MAF: variants seen among roughly 807,000 people sequenced by gnomAD.
MAF encodes the protein transcription factor Maf.
MAF carries 10 observed loss-of-function variants against 22.0 expected under a neutral mutation model. That is an observed-to-expected ratio of 0.45 (90% confidence interval 0.28 to 0.77). The LOEUF (loss-of-function observed/expected upper bound fraction) is 0.77. MAF is among the 30% of genes least tolerant of loss of function. MAF has a pLI of 0.12. For synonymous variants in MAF, 337 were observed against 255.8 expected, an observed-to-expected ratio of 1.32 and a Z score of -3.03; for missense variants, 544 against 548.4, an observed-to-expected ratio of 0.99 and a Z score of 0.08.
the MAF span, among the ~76,000 whole-genome samples, chr16:79,316,783 A>G: frequency 4.6e-5 from 7 of 152,088 alleles, no homozygotes; most frequent in African/African-American, 1.7e-4. Flanking sequence ...CCATGGAAGG[A>G]CCCAAACTAA....
At chr16:79,272,198 G>A in the MAF span, among the ~76,000 whole-genome samples, 2 of 152,172 alleles carry the variant, frequency 1.3e-5, no homozygotes, top group African/African-American at 2.4e-5. Context: ...TCCTCTGAAC[G>A]CGCTCAGAGA....
chr16:79,323,089 G>A, the MAF span, among the ~76,000 whole-genome samples: 7 of 137,764 alleles, frequency 5.1e-5, no homozygotes. Flanking sequence ...GGCAGAGCTT[G>A]CAGTGAGTGG....
the MAF span, among the ~76,000 whole-genome samples, chr16:79,371,319 G>C: frequency 6.6e-6 from 1 of 152,096 alleles, no homozygotes; most frequent in Non-Finnish European, 1.5e-5. Context: ...AATTGGCATA[G>C]CATCACCTCT....
At chr16:79,409,443 G>A in the MAF span, among the ~76,000 whole-genome samples, 1 of 152,192 alleles carries the variant, frequency 6.6e-6, no homozygotes. Flanking sequence ...CCAGGTGTTT[G>A]TGAACCCTGT....
At chr16:79,378,068 G>T in the MAF span, among the ~76,000 whole-genome samples, 1 of 152,158 alleles carries the variant, frequency 6.6e-6, no homozygotes, top group Non-Finnish European at 1.5e-5. Context: ...TGTGGAGAAA[G>T]TCATGGGTAG....
At chr16:79,557,809 G>A in the MAF span, among the ~76,000 whole-genome samples, 1 of 152,002 alleles carries the variant, frequency 6.6e-6, no homozygotes, top group Non-Finnish European at 1.5e-5. Flanking sequence ...TATAAGATGA[G>A]AAACACAGAT....
chr16:79,404,772 G>A, the MAF span, among the ~76,000 whole-genome samples: 128 of 152,268 alleles, frequency 8.4e-4, no homozygotes, highest in East Asian at 5.0e-3. Flanking sequence ...TGACATAGGC[G>A]TGTAAACTCA....
the MAF span, among the ~76,000 whole-genome samples, chr16:79,299,418 A>C: frequency 6.6e-6 from 1 of 152,108 alleles, no homozygotes; most frequent in Non-Finnish European, 1.5e-5. Context: ...GGCCCAAAGT[A>C]GGTTTCAGTC....
At chr16:79,511,699 C>G in the MAF span, among the ~76,000 whole-genome samples, 1 of 152,140 alleles carries the variant, frequency 6.6e-6, no homozygotes, top group Non-Finnish European at 1.5e-5. Flanking sequence ...CATTCAGTAG[C>G]CCATTGGGCC....
the MAF span, among the ~76,000 whole-genome samples, chr16:79,457,362 ACCT>A: frequency 1.4e-5 from 2 of 144,792 alleles, no homozygotes; most frequent in Admixed American, 1.4e-4. Flanking sequence ...AAAGCCAGGC[ACCT>A]CCTTAGAATT....
chr16:79,235,535 T>TA, the MAF span, among the ~76,000 whole-genome samples: 10,566 of 151,704 alleles, frequency 0.07, 553 homozygotes, highest in Middle Eastern at 0.15. Flanking sequence ...ACACTGTCTC[T>TA]AAAAAAAACC....
chr16:79,265,512 T>C, the MAF span, among the ~76,000 whole-genome samples: 6 of 150,858 alleles, frequency 4.0e-5, no homozygotes, highest in African/African-American at 7.3e-5. Flanking sequence ...GTGGACCCGA[T>C]ACCACAGATA....
the MAF span, among the ~76,000 whole-genome samples, chr16:79,481,187 A>G: frequency 5.4e-3 from 818 of 151,244 alleles, 9 homozygotes; most frequent in Admixed American, 9.5e-3. Context: ...AAATCTCTCC[A>G]GGACGGGAAC....
At chr16:79,429,456 G>A in the MAF span, among the ~76,000 whole-genome samples, 2 of 152,270 alleles carry the variant, frequency 1.3e-5, no homozygotes, top group Admixed American at 1.3e-4. Context: ...GGAGCGCCGT[G>A]CCTCCCTCGC....
the MAF span, among the ~76,000 whole-genome samples, chr16:79,276,254 G>C: frequency 6.6e-6 from 1 of 152,300 alleles, no homozygotes; most frequent in Admixed American, 6.5e-5. Flanking sequence ...TGCATTTTGA[G>C]GCTTTTTATG....
the MAF span, among the ~76,000 whole-genome samples, chr16:79,296,110 CT>C: frequency 3.4e-4 from 52 of 152,348 alleles, no homozygotes; most frequent in Admixed American, 2.5e-3. Context: ...CTCACTTGCT[CT>C]TTCTTAGCCT....
Position 79,594,243 on chromosome 16 carries a change from A to G in MAF, c.*217T>C. 1 of 551,070 alleles carries G rather than the reference A, an allele frequency of 1.8e-6. No individual in the cohort carries two copies. Among genetic ancestry groups the G allele is most frequent in the Non-Finnish European group, 3.2e-6 (1 of 309,566 alleles). 34.1% of individuals were successfully genotyped at this position (551,070 alleles called of 1,614,324 possible). Reference sequence around the variant, plus strand: ...ATGCACCTGTTTACTTGCACACACCATAAATCGAAAAGCAGGAGTGCGCTT... The same window carrying G: ...ATGCACCTGTTTACTTGCACACACCGTAAATCGAAAAGCAGGAGTGCGCTT... On this transcript the variant is annotated 3_prime_UTR_variant, in exon 2 of 2. Coordinates refer to ENST00000326043, the MANE Select transcript of MAF (RefSeq NM_005360.5).
the MAF span, among the ~76,000 whole-genome samples, chr16:79,485,544 C>T: frequency 3.3e-5 from 5 of 152,190 alleles, no homozygotes; most frequent in African/African-American, 1.2e-4. Flanking sequence ...TACAACTGTA[C>T]ATGAAGTACA....
chr16:79,425,391 A>C, the MAF span, among the ~76,000 whole-genome samples: 1 of 152,182 alleles, frequency 6.6e-6, no homozygotes, highest in East Asian at 1.9e-4. Context: ...CATTGTTTGC[A>C]TGAAAACATC....
Sources: gnomAD v4.1 joint callset for allele counts (sites outside exome capture counted in the v4.1 genomes callset) on GRCh38, gnomAD v4.1.1 for gene constraint, MANE v1.5 for transcripts, NCBI Gene and HGNC (gene_info 2026-07-23, HGNC 2026-07-21) for gene names.